MTOR: variants seen among roughly 807,000 people sequenced by gnomAD.
MTOR encodes mechanistic target of rapamycin kinase.
Under a neutral mutation model 319.8 loss-of-function variants are expected in MTOR, and 70 were observed. The ratio of observed to expected loss-of-function variants is 0.22; its 90% CI spans 0.18 to 0.27. The LOEUF (loss-of-function observed/expected upper bound fraction) is 0.27. Ranked by LOEUF, MTOR falls within the 10% of genes least tolerant of loss-of-function variation. MTOR has a pLI of 1.00. For missense variants in MTOR, 1,890 were observed against 3,274.4 expected, an observed-to-expected ratio of 0.58 and a Z score of 10.32; for synonymous variants, 1,183 against 1,211.4, an observed-to-expected ratio of 0.98 and a Z score of 0.49.
chr1:11,125,364 A>G (rs1013276270), intron 46 of MTOR, among the ~76,000 whole-genome samples: 10 of 152,228 alleles, frequency 6.6e-5, no homozygotes, highest in Non-Finnish European at 1.0e-4. Context: ...TGCAGAGATA[A>G]TCACCTGTGG....
At chr1:11,134,245 T>A in intron 37 of MTOR, 106 bp downstream of exon 37, 1 of 890,318 alleles carries the variant, frequency 1.1e-6, no homozygotes, top group African/African-American at 1.7e-5. Context: ...GAAAGAGAGA[T>A]GTCAGCAATC....
intron 28 of MTOR, among the ~76,000 whole-genome samples, chr1:11,181,070 C>T (rs950104506): frequency 3.9e-5 from 6 of 152,080 alleles, no homozygotes; most frequent in African/African-American, 7.2e-5. Flanking sequence ...CCACCTTGCC[C>T]GCCCGAAATA....
chr1:11,122,847 G>C (rs919075492), intron 47 of MTOR, among the ~76,000 whole-genome samples: 2 of 152,136 alleles, frequency 1.3e-5, no homozygotes, highest in Admixed American at 6.5e-5. Context: ...CAGCAGGCTG[G>C]TGTGAAGTGT....
intron 34 of MTOR, among the ~76,000 whole-genome samples, chr1:11,142,935 T>C (rs1396166138): frequency 6.6e-6 from 1 of 152,170 alleles, no homozygotes; most frequent in Non-Finnish European, 1.5e-5. Context: ...TTGGGGATTT[T>C]AATTTAAATG....
chr1:11,148,030 T>C (rs1426216889), intron 31 of MTOR, among the ~76,000 whole-genome samples: 4 of 152,240 alleles, frequency 2.6e-5, no homozygotes, highest in African/African-American at 9.6e-5. Flanking sequence ...TTCATTATAC[T>C]ATAATCTTCA....
intron 5 of MTOR, 114 bp downstream of exon 5, chr1:11,255,878 C>A: frequency 9.5e-6 from 9 of 946,488 alleles, no homozygotes; most frequent in South Asian, 6.4e-5. Context: ...CATTTGAGAG[C>A]AAACCAAAAC....
chr1:11,107,188 GTATTTC>G lies in MTOR; in HGVS notation c.*291_*296del. 7.2e-7 allele frequency: 1 copy of G among 1,387,392 alleles called. No individual in the cohort carries two copies. Among genetic ancestry groups the G allele is most frequent in the Non-Finnish European group, 9.5e-7 (1 of 1,056,458 alleles). 85.9% of individuals were successfully genotyped at this position (1,387,392 alleles called of 1,614,324 possible). ...TCTCTTGTGAGTTAAGTCAAAACCC[GTATTTC>G]TAAAGTTATGGATCTTCTGTTCCCC... On this transcript the variant is annotated 3_prime_UTR_variant, in exon 58 of 58. Transcript: ENST00000361445.
At chr1:11,226,264 T>C (rs552762398) in intron 19 of MTOR, 37 of 152,324 alleles carry the variant, frequency 2.4e-4, no homozygotes, top group African/African-American at 8.7e-4. Flanking sequence ...GTGCTCATTT[T>C]GGCAGCACGT....
chr1:11,169,664 G>A (rs1385153382), intron 28 of MTOR, among the ~76,000 whole-genome samples: 1 of 152,190 alleles, frequency 6.6e-6, no homozygotes, highest in Non-Finnish European at 1.5e-5. Context: ...CTTATAAGCT[G>A]TGTGATCATA....
intron 30 of MTOR, among the ~76,000 whole-genome samples, chr1:11,156,891 A>C (rs1179642548): frequency 6.6e-6 from 1 of 152,202 alleles, no homozygotes; most frequent in African/African-American, 2.4e-5. Flanking sequence ...TAGACAGGAG[A>C]AGTAGATCCC....
Position 11,168,922 on chromosome 1 carries a change from C to T in MTOR, c.4254-1405G>A, listed in dbSNP as rs575593267. On this transcript the variant is annotated intron_variant, in intron 28 of 57. Coordinates refer to ENST00000361445, the MANE Select transcript of MTOR (RefSeq NM_004958.4). ...TGAAGGAGCTCGCTTGAGAAATCCA[C>T]AAGACCACAATGATTATATCTGTTT... Among the ~76,000 whole-genome samples, 86 of 152,174 alleles carry T rather than the reference C, an allele frequency of 5.7e-4. 1 individual carries two copies. The highest frequency in any genetic ancestry group is 2.0e-3 in the African/African-American group (83 of 41,538).
At chr1:11,176,900 G>A (rs1437862519) in intron 28 of MTOR, among the ~76,000 whole-genome samples, 1 of 152,186 alleles carries the variant, frequency 6.6e-6, no homozygotes, top group East Asian at 1.9e-4. Flanking sequence ...CTGGGAACAG[G>A]AGAATGGTCT....
At chr1:11,242,485 A>T (rs1165203024) in intron 9 of MTOR, among the ~76,000 whole-genome samples, 2 of 147,148 alleles carry the variant, frequency 1.4e-5, no homozygotes, top group African/African-American at 5.1e-5. Context: ...GGGCAACCAA[A>T]GTAAGACTCC....
In MTOR at chr1:11,216,131, C is replaced by T; in HGVS notation, c.3117+17G>A. ...GACCCAAACATGGAAGAGGCCAAAG[C>T]ATTAACTTCTACTCACTCTCATGAG... On this transcript the variant is annotated intron_variant, in intron 20 of 57. Transcript: ENST00000361445. The T allele has an allele frequency of 1.3e-6, 2 of 1,593,052 alleles. No individual in the cohort carries two copies. The highest frequency in any genetic ancestry group is 1.7e-6 in the Non-Finnish European group (2 of 1,161,492).
intron 10 of MTOR, among the ~76,000 whole-genome samples, chr1:11,240,984 C>T (rs1360126877): frequency 1.3e-5 from 2 of 151,724 alleles, no homozygotes; most frequent in Non-Finnish European, 2.9e-5. Flanking sequence ...CCCACAGCAA[C>T]CCTAGGCAAT....
intron 6 of MTOR, among the ~76,000 whole-genome samples, chr1:11,251,220 T>C (rs1208907335): frequency 6.6e-6 from 1 of 152,176 alleles, no homozygotes; most frequent in African/African-American, 2.4e-5. Context: ...TCCTGCTCAC[T>C]CTGCTCAGCC....
At position 11,253,906 on chromosome 1, in the gene MTOR, TC is replaced by T; in HGVS notation, c.772del (p.Asp258MetfsTer9). 6.2e-7 allele frequency: 1 copy of T among 1,614,112 alleles called. No individual in the cohort carries two copies. Among genetic ancestry groups the T allele is most frequent in the Non-Finnish European group, 8.5e-7 (1 of 1,180,018 alleles). ...CAACAAGGCTCCATGGATCCGATCA[TC>T]CCGATTCATGCCCTTCTCTTTGGCC... ...TLAKEKGMNR[D>X]DRIHGALLIL... On this transcript the variant is annotated frameshift_variant, in exon 6 of 58. Coordinates refer to ENST00000361445, the MANE Select transcript of MTOR (RefSeq NM_004958.4). LOFTEE classifies it high-confidence loss of function.
chr1:11,158,223 T>C, intron 29 of MTOR, among the ~76,000 whole-genome samples: 1 of 152,218 alleles, frequency 6.6e-6, no homozygotes, highest in East Asian at 1.9e-4. Flanking sequence ...TAGGGATTTC[T>C]TTAACAACAA....
At position 11,238,584 on chromosome 1, in the gene MTOR, G is replaced by A. The variant is rs1180068151; in HGVS notation, c.1820C>T (p.Ala607Val). 3 of 1,613,464 alleles carry A rather than the reference G, an allele frequency of 1.9e-6. No individual in the cohort carries two copies. The highest frequency in any genetic ancestry group is 1.7e-6 in the Non-Finnish European group (2 of 1,179,476). The change falls in exon 12 of 58, where the codon GCG becomes GTG. Residue 607 changes from alanine (A) to valine (V), a missense_variant. Transcript: ENST00000361445. ...GTGCTCACTGTTCAGGAAATGATCC[G>A]CACAGTGGCGAACAAATTGGGTCAG... ...HSLTQFVRHC[A>V]DHFLNSEHKE...
Sources: gnomAD v4.1 joint callset for allele counts (sites outside exome capture counted in the v4.1 genomes callset) on GRCh38, gnomAD v4.1.1 for gene constraint, MANE v1.5 for transcripts, NCBI Gene and HGNC (gene_info 2026-07-23, HGNC 2026-07-21) for gene names.